Variants in FRY observed in about 807,000 individuals in gnomAD.
FRY encodes FRY microtubule binding protein, also known as protein furry homolog.
A neutral mutation model predicts 348.4 loss-of-function variants in FRY; 128 were observed. The observed-to-expected ratio is 0.37, with a 90% CI of 0.32 to 0.43. The LOEUF is 0.43. Ranked by LOEUF, FRY falls within the 20% of genes least tolerant of loss-of-function variation. FRY has a pLI of 1.00. For missense variants in FRY, 2,736 were observed against 3,695.2 expected (o/e 0.74, Z 6.73); for synonymous variants, 1,370 against 1,374.7 (o/e 1.00, Z 0.08).
intron 23 of FRY, among the ~76,000 whole-genome samples, chr13:32,181,048 T>G (rs895158547): frequency 1.3e-5 from 2 of 151,740 alleles, no homozygotes; most frequent in African/African-American, 2.4e-5. Context: ...GCACCACCAC[T>G]CCTGGCTAAT....
Position 32,136,813 on chromosome 13 carries a change from T to G in FRY, c.1078-58T>G, listed in dbSNP as rs1566090770. On this transcript the variant is annotated intron_variant, in intron 10 of 60. Transcript: ENST00000542859. ...CAAGGTAGTGGGTACAGAGAATGTA[T>G]GTTACCTGGTTTGTTGAAATATAAA... 3.1e-6 allele frequency: 3 copies of G among 981,136 alleles called. No homozygotes were observed. The African/African-American group carries it at 4.8e-5, about 16-fold the overall frequency. 60.8% of individuals were successfully genotyped at this position (981,136 alleles called of 1,614,324 possible).
chr13:32,214,119 T>C (rs558596181), intron 35 of FRY, among the ~76,000 whole-genome samples: 278 of 152,392 alleles, frequency 1.8e-3, no homozygotes, highest in African/African-American at 6.4e-3. Context: ...ATTCCGTTGA[T>C]CCCATATAGC....
chr13:32,146,355 G>T (rs959554594), intron 11 of FRY, among the ~76,000 whole-genome samples: 8 of 151,246 alleles, frequency 5.3e-5, no homozygotes, highest in African/African-American at 1.2e-4. Context: ...TGTTTTTTTT[G>T]AGACAGAGTC....
At chr13:32,138,936 A>G (rs915241214) in intron 11 of FRY, among the ~76,000 whole-genome samples, 3 of 152,212 alleles carry the variant, frequency 2.0e-5, no homozygotes, top group Non-Finnish European at 4.4e-5. Flanking sequence ...TATAAAGGTC[A>G]CATACCCCAC....
At chr13:32,039,808 G>T (rs1340070752) in intron 1 of FRY, among the ~76,000 whole-genome samples, 4 of 152,186 alleles carry the variant, frequency 2.6e-5, no homozygotes, top group African/African-American at 9.7e-5. Flanking sequence ...GCTGCTGTAA[G>T]AATTTGTTGT....
Position 32,295,662 on chromosome 13 carries a change from G to A in FRY, c.*202G>A, listed in dbSNP as rs2072049562. 29 of 605,122 alleles carry A rather than the reference G, an allele frequency of 4.8e-5. No homozygotes were observed. The South Asian group carries it at 5.5e-4, about 11-fold the overall frequency. The allele number at this position is 605,122 out of a possible 1,614,324, so 37.5% of individuals were successfully genotyped here. The stretch of plus-strand genomic sequence containing the variant: ...AACCAAGGTAGCTTAGAACGTCCTG[G>A]ACAGACTCCACTCATCATGCTGTGT... On this transcript the variant is annotated 3_prime_UTR_variant, in exon 61 of 61. Transcript: ENST00000542859.
chr13:32,137,993 C>A (rs1335507033), intron 11 of FRY, among the ~76,000 whole-genome samples: 1 of 152,122 alleles, frequency 6.6e-6, no homozygotes, highest in East Asian at 1.9e-4. Context: ...TAGAATCATT[C>A]ATTTTCTTCA....
intron 51 of FRY, among the ~76,000 whole-genome samples, chr13:32,255,158 T>G (rs1887267975): frequency 6.6e-6 from 1 of 152,160 alleles, no homozygotes; most frequent in African/African-American, 2.4e-5. Flanking sequence ...GGATCAAAAC[T>G]CAGTTCACTT....
chr13:32,290,737 T>G, intron 59 of FRY, among the ~76,000 whole-genome samples: 2 of 146,828 alleles, frequency 1.4e-5, no homozygotes, highest in Non-Finnish European at 3.0e-5. Context: ...AAGGAGAGAG[T>G]TTGAACTGGG....
At chr13:32,207,729 A>C (rs1003143054) in intron 31 of FRY, among the ~76,000 whole-genome samples, 4 of 152,254 alleles carry the variant, frequency 2.6e-5, no homozygotes, top group Non-Finnish European at 5.9e-5. Flanking sequence ...AAAAAATTAT[A>C]ATTTTAATTT....
chr13:32,192,472 C>T (rs1939725763), intron 28 of FRY, among the ~76,000 whole-genome samples: 3 of 151,974 alleles, frequency 2.0e-5, no homozygotes, highest in Admixed American at 2.0e-4. Context: ...GCCACCACGC[C>T]TGGCTAATTT....
chr13:32,160,309 A>G (rs546811579), intron 16 of FRY, among the ~76,000 whole-genome samples: 1 of 152,358 alleles, frequency 6.6e-6, no homozygotes, highest in East Asian at 1.9e-4. Context: ...AGACTAAGTC[A>G]TCAGACTTTA....
At chr13:32,266,789 GC>G (rs1233633653) in intron 54 of FRY, among the ~76,000 whole-genome samples, 2 of 152,182 alleles carry the variant, frequency 1.3e-5, no homozygotes, top group African/African-American at 2.4e-5. Flanking sequence ...TTCAAGACCA[GC>G]CTGGCCAACA....
chr13:32,105,352 C>A (rs1566073779), intron 3 of FRY, among the ~76,000 whole-genome samples: 1 of 152,160 alleles, frequency 6.6e-6, no homozygotes, highest in African/African-American at 2.4e-5. Flanking sequence ...AGACAGTGAA[C>A]CTGCTGGTGA....
At chr13:32,274,490 A>G (rs35812294) in intron 55 of FRY, among the ~76,000 whole-genome samples, 10,078 of 151,386 alleles carry the variant, frequency 0.067, 457 homozygotes, top group African/African-American at 0.12. Context: ...GGCGGATCAC[A>G]AGGTCAGATC....
At chr13:32,259,944 TCAAA>T (rs1430357393) in intron 51 of FRY, among the ~76,000 whole-genome samples, 1 of 152,314 alleles carries the variant, frequency 6.6e-6, no homozygotes, top group African/African-American at 2.4e-5. Flanking sequence ...TTTTTTATAA[TCAAA>T]CACCCCTAAG....
chr13:32,146,959 A>T (rs1431611338), intron 11 of FRY, among the ~76,000 whole-genome samples: 1 of 152,234 alleles, frequency 6.6e-6, no homozygotes, highest in African/African-American at 2.4e-5. Context: ...ACTGATTCTC[A>T]TATTGGTGCT....
chr13:32,200,579 T>C (rs1173183129), intron 29 of FRY, among the ~76,000 whole-genome samples: 7 of 152,176 alleles, frequency 4.6e-5, no homozygotes, highest in African/African-American at 1.7e-4. Context: ...AGTGAGACCT[T>C]GTCTCAAAAA....
intron 49 of FRY, among the ~76,000 whole-genome samples, chr13:32,250,613 C>T (rs1274332685): frequency 1.3e-5 from 2 of 152,176 alleles, no homozygotes; most frequent in Non-Finnish European, 2.9e-5. Flanking sequence ...TCTTGCAGGA[C>T]ATGCGAGGGA....
Sources: allele counts gnomAD v4.1 joint callset (sites outside exome capture counted in the v4.1 genomes callset), GRCh38; gene constraint gnomAD v4.1.1; transcripts MANE v1.5; gene names NCBI Gene and HGNC (gene_info 2026-07-23, HGNC 2026-07-21).